Variants in TMPO observed in about 807,000 individuals in gnomAD.
TMPO encodes LEM domain containing 4.
Under a neutral mutation model 45.4 loss-of-function variants are expected in TMPO, and 22 were observed. That is an observed-to-expected ratio of 0.48 (90% CI 0.35 to 0.69). TMPO has a LOEUF of 0.69. TMPO is among the 30% of genes least tolerant of loss of function. The pLI is 0.01. For synonymous variants in TMPO, 241 were observed against 204.1 expected (o/e 1.18, Z -1.54); for missense variants, 512 against 548.8 (o/e 0.93, Z 0.67).
At chr12:98,526,173 G>A (rs1876748260) in intron 1 of TMPO, among the ~76,000 whole-genome samples, 1 of 152,180 alleles carries the variant, frequency 6.6e-6, no homozygotes, top group Non-Finnish European at 1.5e-5. Flanking sequence ...TTAGTAAACT[G>A]GTGGTACAGA....
At chr12:98,539,196 G>A (rs1877755452) in intron 4 of TMPO, among the ~76,000 whole-genome samples, 2 of 144,546 alleles carry the variant, frequency 1.4e-5, no homozygotes, top group African/African-American at 2.5e-5. Context: ...GCGAAACTCT[G>A]TCTCAAAAAT....
rs1412353074 is a variant in TMPO, at chr12:98,544,471, T to A, written c.813T>A (p.Asp271Glu). The change falls in exon 6 of 9, where the codon GAT becomes GAA. Residue 271 changes from aspartate to glutamate, a missense_variant. Physicochemically the swap from Asp to Glu is conservative, Grantham distance 45 (BLOSUM62 2). Coordinates refer to ENST00000556029, the MANE Select transcript of TMPO (RefSeq NM_001032283.3). ...AAACTTCAGAACATTTTCGTATAGA[T>A]GGTCCAGTAATTTCAGAGAGTACTC... ...RVETSEHFRIDGPVISESTPI... is the reference protein window; with the variant it reads ...RVETSEHFRIEGPVISESTPI... 6.2e-7 allele frequency: 1 copy of A among 1,613,990 alleles called. No homozygotes were observed. The highest frequency in any genetic ancestry group is 8.5e-7 in the Non-Finnish European group (1 of 1,179,918).
intron 4 of TMPO, among the ~76,000 whole-genome samples, chr12:98,542,294 T>C (rs1877960794): frequency 6.6e-6 from 1 of 152,204 alleles, no homozygotes; most frequent in Non-Finnish European, 1.5e-5. Context: ...GTTTTGTTTT[T>C]TAATAAAGTT....
chr12:98,547,862 G>T lies in TMPO; in HGVS notation c.*4G>T, dbSNP rs1471894531. 9 of 1,613,792 alleles carry T rather than the reference G, an allele frequency of 5.6e-6. No homozygotes were observed. The highest frequency in any genetic ancestry group is 1.7e-5 in the Admixed American group (1 of 59,960). ...TGACCCTAGAAAATCCAACTGAATG[G>T]TATCTCTTTGGCACGTTCAACTTGG... is the stretch of plus-strand genomic sequence containing the variant. On this transcript the variant is annotated 3_prime_UTR_variant, in exon 9 of 9. Coordinates refer to ENST00000556029, the MANE Select transcript of TMPO (RefSeq NM_001032283.3).
rs1407586397 is a variant in TMPO, at chr12:98,548,833, A to C, written c.*975A>C. 3.9e-5 allele frequency: 6 copies of C among 152,228 alleles called. No individual in the cohort carries two copies. The highest frequency in any genetic ancestry group is 1.4e-4 in the African/African-American group (6 of 41,460). 9.4% of individuals were successfully genotyped at this position (152,228 alleles called of 1,614,324 possible). The stretch of plus-strand genomic sequence containing the variant: ...CCAGCATAATTTGATTAGAAAGTAC[A>C]AAAAGGGCCAGGCGCGGTGGCTTAC... On this transcript the variant is annotated 3_prime_UTR_variant, in exon 9 of 9. Coordinates refer to ENST00000556029, the MANE Select transcript of TMPO (RefSeq NM_001032283.3).
chr12:98,537,402 G>T (rs1044261821), intron 3 of TMPO, 73 bp from the exon 4 acceptor site: 1 of 1,302,498 alleles, frequency 7.7e-7, no homozygotes, highest in South Asian at 1.3e-5. Context: ...CAGGGTTCCC[G>T]ATTAATATTA....
At chr12:98,531,919 TAAAAC>T in intron 3 of TMPO, 81 bp downstream of exon 3, 1 of 1,197,322 alleles carries the variant, frequency 8.4e-7, no homozygotes, top group Middle Eastern at 2.1e-4. Flanking sequence ...AAGTAAAATT[TAAAAC>T]AATATTGGCA....
intron 1 of TMPO, among the ~76,000 whole-genome samples, chr12:98,525,798 A>G (rs1394981032): frequency 2.0e-5 from 3 of 151,660 alleles, no homozygotes; most frequent in Non-Finnish European, 4.4e-5. Flanking sequence ...GAACATTTTT[A>G]TTGTTAAAAA....
chr12:98,531,402 A>G (rs566771667), intron 2 of TMPO, among the ~76,000 whole-genome samples: 3 of 151,584 alleles, frequency 2.0e-5, no homozygotes, highest in Non-Finnish European at 4.4e-5. Flanking sequence ...ATGCCCGGCT[A>G]ATTTTTGTAT....
chr12:98,518,145 CAAAAAA>C (rs35978276), intron 1 of TMPO, among the ~76,000 whole-genome samples: 1 of 98,318 alleles, frequency 1.0e-5, no homozygotes, highest in Non-Finnish European at 2.3e-5. Context: ...GACTTCGTCT[CAAAAAA>C]AAAAAAAAAA....
intron 3 of TMPO, chr12:98,534,404 TTTCTG>T (rs1250229408): frequency 1.2e-6 from 2 of 1,601,350 alleles, no homozygotes; most frequent in Non-Finnish European, 1.7e-6. Context: ...AACATTTTCT[TTTCTG>T]TTAAGGTTGT....
intron 8 of TMPO, 107 bp downstream of exon 8, chr12:98,546,554 T>C: frequency 1.1e-6 from 1 of 919,222 alleles, no homozygotes; most frequent in South Asian, 1.3e-5. Context: ...TAAGCTGTTT[T>C]TTTGGAGCCA....
At position 98,548,478 on chromosome 12, in the gene TMPO, C is replaced by T. The variant is rs1357224414; in HGVS notation, c.*620C>T. The stretch of plus-strand genomic sequence containing the variant: ...ACACAGTATCATGAAAGTCCTATTT[C>T]AGTAAGACCCATTTACATACAGTAG... On this transcript the variant is annotated 3_prime_UTR_variant, in exon 9 of 9. Coordinates refer to ENST00000556029, the MANE Select transcript of TMPO (RefSeq NM_001032283.3). 6.5e-6 allele frequency: 1 copy of T among 152,704 alleles called. No homozygotes were observed. Among genetic ancestry groups the T allele is most frequent in the Non-Finnish European group, 1.5e-5 (1 of 68,174 alleles). The allele number at this position is 152,704 out of a possible 1,614,324, so 9.5% of individuals were successfully genotyped here.
intron 2 of TMPO, 54 bp from the exon 3 acceptor site, chr12:98,531,626 C>G: frequency 1.3e-6 from 2 of 1,563,210 alleles, no homozygotes; most frequent in Non-Finnish European, 1.8e-6. Flanking sequence ...AGTGTCTGAG[C>G]TGCATCCTAA....
At chr12:98,547,461 T>C (rs2121261842) in intron 8 of TMPO, 112 bp from the exon 9 acceptor site, 2 of 1,271,354 alleles carry the variant, frequency 1.6e-6, no homozygotes, top group South Asian at 2.6e-5. Context: ...TTTCTACTGT[T>C]ACCTCAGGGA....
chr12:98,544,653 C>G, intron 6 of TMPO, 116 bp downstream of exon 6: 3 of 784,938 alleles, frequency 3.8e-6, no homozygotes, highest in Non-Finnish European at 6.1e-6. Flanking sequence ...TTTTTTTTAA[C>G]AATTTTAAAC....
rs551955043 is a variant in TMPO, at chr12:98,533,393, A to G, written c.565+1555A>G. The G allele has an allele frequency of 5.6e-6, 9 of 1,614,210 alleles. No individual in the cohort carries two copies. The South Asian group carries it at 8.8e-5, about 16-fold the overall frequency. On this transcript the variant is annotated intron_variant, in intron 3 of 8. Transcript: ENST00000556029. ...CCGCCACTTGCCCAGGCAATCAGAG[A>G]TTATGTCAATTCTCTGTTGGTCCAG...
At position 98,515,999 on chromosome 12, in the gene TMPO, C is replaced by T. The variant is rs957566846; in HGVS notation, c.132C>T (p.His44=). 4 of 1,612,010 alleles carry T rather than the reference C, an allele frequency of 2.5e-6. No homozygotes were observed. The highest frequency in any genetic ancestry group is 1.7e-4 in the Middle Eastern group (1 of 6,056). The part of the protein sequence containing the change: ...KDVYVQLYLQ[H]LTARNRPPLP... The stretch of plus-strand genomic sequence containing the variant: ...TGTACGTCCAGCTCTACCTGCAGCA[C>T]CTCACGGCTCGCAACCGGCCGCCGC... Residue 44 remains histidine (H), a synonymous_variant, in exon 1 of 9, where the codon CAC becomes CAT. Transcript: ENST00000556029.
At chr12:98,520,652 C>T (rs1339813806) in intron 1 of TMPO, among the ~76,000 whole-genome samples, 6 of 149,412 alleles carry the variant, frequency 4.0e-5, no homozygotes, top group East Asian at 2.0e-4. Flanking sequence ...GAAACGGAGT[C>T]TCAGTCTGTC....
Sources: gnomAD v4.1 joint callset for allele counts (sites outside exome capture counted in the v4.1 genomes callset) on GRCh38, gnomAD v4.1.1 for gene constraint, MANE v1.5 for transcripts, NCBI Gene and HGNC (gene_info 2026-07-23, HGNC 2026-07-21) for gene names.